SPRY3: variants seen among roughly 807,000 people sequenced by gnomAD.
SPRY3 encodes sprouty RTK signaling antagonist 3, also known as protein sprouty homolog 3.
A neutral mutation model predicts 20.2 loss-of-function variants in SPRY3; 15 were observed. The observed-to-expected ratio is 0.74, with a 90% CI of 0.50 to 1.14. The LOEUF is 1.14. Ranked by LOEUF, SPRY3 falls within the 50% of genes most tolerant of loss-of-function variation. The pLI is 0.00. For synonymous variants in SPRY3, 143 were observed against 136.5 expected, an observed-to-expected ratio of 1.05 and a Z score of -0.33; for missense variants, 364 against 363.9, an observed-to-expected ratio of 1.00 and a Z score of 0.00.
intron 2 of SPRY3, among the ~76,000 whole-genome samples, chrX:155,763,415 A>C (rs991758595): frequency 7.2e-5 from 11 of 152,018 alleles, no homozygotes; most frequent in Admixed American, 6.6e-4. Flanking sequence ...ATTACTCCAA[A>C]ATACCCCAAT....
intron 1 of SPRY3, among the ~76,000 whole-genome samples, chrX:155,621,941 T>A (rs2067872437): frequency 8.9e-6 from 1 of 111,808 alleles, no homozygotes; most frequent in Non-Finnish European, 1.9e-5. Context: ...CTGCTTTTAC[T>A]ACAAACTCAC....
At chrX:155,735,969 G>A (rs185063138) in intron 2 of SPRY3, among the ~76,000 whole-genome samples, 4 of 150,104 alleles carry the variant, frequency 2.7e-5, no homozygotes, top group East Asian at 2.0e-4. Flanking sequence ...TTAGCATATT[G>A]TTTGTTTCCT....
At chrX:155,740,264 T>C (rs958507166) in intron 2 of SPRY3, among the ~76,000 whole-genome samples, 1 of 152,148 alleles carries the variant, frequency 6.6e-6, no homozygotes, top group Admixed American at 6.5e-5. Flanking sequence ...GTTTGAACAA[T>C]ATGAAATCAG....
intron 2 of SPRY3, among the ~76,000 whole-genome samples, chrX:155,705,106 T>G (rs1203248518): frequency 6.6e-6 from 1 of 151,502 alleles, no homozygotes; most frequent in East Asian, 1.9e-4. Context: ...GAAGGTAAAG[T>G]TAAATTATTT....
intron 2 of SPRY3, among the ~76,000 whole-genome samples, chrX:155,729,644 T>G (rs1397172766): frequency 6.6e-6 from 1 of 151,398 alleles, no homozygotes; most frequent in Non-Finnish European, 1.5e-5. Flanking sequence ...GAATGATGCC[T>G]CTTACAGAAC....
chrX:155,753,901 T>A (rs925166152), intron 2 of SPRY3, among the ~76,000 whole-genome samples: 5 of 151,996 alleles, frequency 3.3e-5, no homozygotes, highest in African/African-American at 1.2e-4. Flanking sequence ...TTTGAAGAGA[T>A]GTCTATTCAA....
intron 2 of SPRY3, among the ~76,000 whole-genome samples, chrX:155,706,798 A>T (rs2090954732): frequency 1.3e-5 from 2 of 150,904 alleles, no homozygotes; most frequent in Admixed American, 1.3e-4. Context: ...AAGAAGAAAT[A>T]ACCATAGCAA....
chrX:155,661,292 T>TA (rs782486280), intron 2 of SPRY3, among the ~76,000 whole-genome samples: 1 of 112,043 alleles, frequency 8.9e-6, no homozygotes, highest in South Asian at 3.7e-4. Flanking sequence ...TTATGAAGCT[T>TA]AGTTTAGTGG....
intron 2 of SPRY3, among the ~76,000 whole-genome samples, chrX:155,657,181 G>A (rs2067994874): frequency 1.8e-5 from 2 of 111,883 alleles, no homozygotes; most frequent in Non-Finnish European, 3.8e-5. Flanking sequence ...GAGCTGGCAG[G>A]CGGGAATGTT....
intron 2 of SPRY3, among the ~76,000 whole-genome samples, chrX:155,750,406 C>A (rs1441028893): frequency 6.6e-6 from 1 of 151,798 alleles, no homozygotes; most frequent in Non-Finnish European, 1.5e-5. Flanking sequence ...CAAACCTGCA[C>A]ATATACCCTC....
intron 2 of SPRY3, among the ~76,000 whole-genome samples, chrX:155,658,605 G>A (rs2067999228): frequency 9.0e-6 from 1 of 111,446 alleles, no homozygotes; most frequent in African/African-American, 3.3e-5. Flanking sequence ...GTGTTTTCTA[G>A]GTATGAGATC....
At chrX:155,674,560 G>T (rs1010849817) in intron 2 of SPRY3, among the ~76,000 whole-genome samples, 3 of 110,859 alleles carry the variant, frequency 2.7e-5, no homozygotes, top group Admixed American at 1.9e-4. Context: ...TCTTTCAGGT[G>T]AGATTTTGTC....
At chrX:155,697,615 T>C (rs1378644075) in intron 2 of SPRY3, among the ~76,000 whole-genome samples, 2 of 108,345 alleles carry the variant, frequency 1.8e-5, no homozygotes, top group Non-Finnish European at 3.8e-5. Flanking sequence ...TAGTGCCTGG[T>C]TGTGCATTGT....
intron 2 of SPRY3, among the ~76,000 whole-genome samples, chrX:155,699,039 A>G (rs1305721069): frequency 2.7e-5 from 3 of 112,364 alleles, no homozygotes; most frequent in Non-Finnish European, 5.6e-5. Flanking sequence ...TCAACATTGT[A>G]TTGGAATCCC....
chrX:155,627,776 C>G (rs1302136032), intron 1 of SPRY3, among the ~76,000 whole-genome samples: 1 of 109,707 alleles, frequency 9.1e-6, no homozygotes, highest in Non-Finnish European at 1.9e-5. Flanking sequence ...AGGTATTAAG[C>G]CCCACATGTA....
intron 2 of SPRY3, among the ~76,000 whole-genome samples, chrX:155,731,827 C>G (rs2091134815): frequency 6.6e-6 from 1 of 151,878 alleles, no homozygotes; most frequent in Non-Finnish European, 1.5e-5. Context: ...ATCTAACAAT[C>G]TTATTAGCCC....
chrX:155,728,296 T>C (rs2091112849), intron 2 of SPRY3, among the ~76,000 whole-genome samples: 1 of 152,212 alleles, frequency 6.6e-6, no homozygotes, highest in Non-Finnish European at 1.5e-5. Context: ...GGAGGCGGTC[T>C]GTTTCAGAGC....
intron 2 of SPRY3, among the ~76,000 whole-genome samples, chrX:155,694,555 A>C (rs1017430900): frequency 1.8e-5 from 2 of 111,333 alleles, no homozygotes; most frequent in Admixed American, 1.9e-4. Context: ...ATTCAAGTGC[A>C]TTACATTTAT....
chrX:155,774,785 C>T, exon 4 of SPRY3: 1 of 1,566,010 alleles, frequency 6.4e-7, no homozygotes, highest in South Asian at 1.2e-5. Context: ...GAGTCCCCAA[C>T]AGCAAAGCAT....
Sources: gnomAD v4.1 joint callset for allele counts (sites outside exome capture counted in the v4.1 genomes callset) on GRCh38, gnomAD v4.1.1 for gene constraint, MANE v1.5 for transcripts, NCBI Gene and HGNC (gene_info 2026-07-23, HGNC 2026-07-21) for gene names.